PCDH9: variants seen among roughly 807,000 people sequenced by gnomAD.
PCDH9 encodes protocadherin-9.
Under a neutral mutation model 70.6 loss-of-function variants are expected in PCDH9, and 24 were observed. The observed-to-expected ratio is 0.34, with a 90% CI of 0.25 to 0.48. The LOEUF is 0.48. Among genes scored for constraint, PCDH9 ranks in the 20% least tolerant of loss-of-function variants. The pLI, the probability that PCDH9 is intolerant of heterozygous loss-of-function variation, is 0.99. For missense variants in PCDH9, 1,281 were observed against 1,503.6 expected (o/e 0.85, Z 2.45); for synonymous variants, 562 against 558.5 (o/e 1.01, Z -0.09).
chr13:66,787,427 C>T (rs111942760), intron 3 of PCDH9, among the ~76,000 whole-genome samples: 1 of 151,870 alleles, frequency 6.6e-6, no homozygotes, highest in Admixed American at 6.6e-5. Flanking sequence ...ACCAGCCTGG[C>T]CAAGATAGTG....
chr13:66,510,686 G>T (rs1181068514), intron 4 of PCDH9, among the ~76,000 whole-genome samples: 2 of 152,244 alleles, frequency 1.3e-5, no homozygotes, highest in East Asian at 1.9e-4. Context: ...CAAAGGAAAT[G>T]AACTCACAAT....
rs532024752 is a variant in PCDH9 at position 66,429,710 on chromosome 13, A to G, written c.3341-124682T>C. On this transcript the variant is annotated intron_variant, in intron 4 of 4. Transcript: ENST00000377865. ...AACAATGCCCTGCAGCTAAAGAAGA[A>G]GAAGAAGAAAAAAATAACTTTTTCT... Among the ~76,000 whole-genome samples the G allele has an allele frequency of 6.6e-5, 10 of 152,032 alleles. No homozygotes were observed. In the East Asian group the frequency reaches 1.9e-3, roughly 29 times the overall value.
chr13:66,569,415 G>T (rs1200085293), intron 4 of PCDH9, among the ~76,000 whole-genome samples: 1 of 151,946 alleles, frequency 6.6e-6, no homozygotes, highest in Non-Finnish European at 1.5e-5. Flanking sequence ...CATAATGAAA[G>T]TTCTGTTATT....
chr13:66,472,179 T>C (rs1346069025), intron 4 of PCDH9, among the ~76,000 whole-genome samples: 1 of 131,438 alleles, frequency 7.6e-6, no homozygotes, highest in Non-Finnish European at 1.5e-5. Flanking sequence ...GCCACCCCAC[T>C]CCAGCCTGGG....
intron 3 of PCDH9, among the ~76,000 whole-genome samples, chr13:66,888,605 AC>A (rs2082046977): frequency 6.6e-6 from 1 of 152,076 alleles, no homozygotes; most frequent in Non-Finnish European, 1.5e-5. Context: ...CAGGTAAATC[AC>A]AGAAAAGTGA....
chr13:66,931,931 C>T (rs962304934), intron 2 of PCDH9, among the ~76,000 whole-genome samples: 3 of 151,934 alleles, frequency 2.0e-5, no homozygotes, highest in Non-Finnish European at 4.4e-5. Flanking sequence ...GAGTAAGGTA[C>T]TAGAGTGCAT....
At chr13:66,846,136 C>A (rs374664034) in intron 3 of PCDH9, among the ~76,000 whole-genome samples, 227 of 134,398 alleles carry the variant, frequency 1.7e-3, no homozygotes, top group Non-Finnish European at 1.9e-3. Flanking sequence ...AAAAAAAGAC[C>A]AAAAAAAAAA....
intron 2 of PCDH9, among the ~76,000 whole-genome samples, chr13:67,066,846 T>C (rs1357779001): frequency 6.6e-6 from 1 of 152,138 alleles, no homozygotes; most frequent in Non-Finnish European, 1.5e-5. Flanking sequence ...TCCAATTTGG[T>C]TGCAATTTGT....
chr13:66,906,329 T>C (rs1566282485), intron 2 of PCDH9, among the ~76,000 whole-genome samples: 1 of 152,180 alleles, frequency 6.6e-6, no homozygotes, highest in Admixed American at 6.5e-5. Flanking sequence ...TTGATAATAG[T>C]TCAAACATGA....
chr13:67,228,303 A>T lies in PCDH9; in HGVS notation c.138T>A (p.Asp46Glu). The change falls in exon 2 of 5, where the codon GAT becomes GAA. Residue 46 changes from aspartate (D) to glutamate (E), a missense_variant. Asp to Glu is a conservative substitution (Grantham distance 45). Transcript: ENST00000377865. ...CAGCATTGATGTGAGAAATGTTCAG[A>T]TCCTTTGGTATGTTTCCTATGGGCA... is the stretch of plus-strand genomic sequence containing the variant. ...ENVPIGNIPKDLNISHINAAT... is the reference protein window; with the variant it reads ...ENVPIGNIPKELNISHINAAT... 6.2e-7 allele frequency: 1 copy of T among 1,614,156 alleles called. No individual in the cohort carries two copies. Among genetic ancestry groups the T allele is most frequent in the African/African-American group, 1.3e-5 (1 of 75,032 alleles).
At chr13:67,108,883 T>C (rs2086600231) in intron 2 of PCDH9, among the ~76,000 whole-genome samples, 1 of 152,120 alleles carries the variant, frequency 6.6e-6, no homozygotes, top group Non-Finnish European at 1.5e-5. Context: ...TATGGGCCCA[T>C]AGAGCAAAAA....
chr13:67,074,175 A>G (rs1181986679), intron 2 of PCDH9, among the ~76,000 whole-genome samples: 21 of 152,152 alleles, frequency 1.4e-4, no homozygotes, highest in Admixed American at 1.3e-3. Flanking sequence ...CTCAAAATTC[A>G]TATGTTGAAA....
chr13:67,118,266 G>A (rs1464416789), intron 2 of PCDH9, among the ~76,000 whole-genome samples: 1 of 152,150 alleles, frequency 6.6e-6, no homozygotes, highest in African/African-American at 2.4e-5. Context: ...ACTAGCAGGA[G>A]TGGGATTCAA....
rs58589562 is a variant in PCDH9 at position 66,849,517 on chromosome 13, T to TAGAGAGAGAG, written c.3138+53977_3138+53986dup. Among the ~76,000 whole-genome samples, 179 of 63,550 alleles carry TAGAGAGAGAG rather than the reference T, an allele frequency of 2.8e-3. 4 individuals carry two copies. Among genetic ancestry groups the TAGAGAGAGAG allele is most frequent in the African/African-American group, 8.5e-3 (102 of 12,052 alleles). 41.7% of individuals were successfully genotyped at this position (63,550 alleles called of 152,430 possible). On this transcript the variant is annotated intron_variant, in intron 3 of 4. Coordinates refer to ENST00000377865, the MANE Select transcript of PCDH9 (RefSeq NM_203487.3). ...ATATATATATATATATATATATATA[T>TAGAGAGAGAG]AGAGAGAGAGAGAGAGAGAGAGAGA...
chr13:66,437,275 C>T (rs1015767904), intron 4 of PCDH9, among the ~76,000 whole-genome samples: 1 of 151,284 alleles, frequency 6.6e-6, no homozygotes, highest in Non-Finnish European at 1.5e-5. Flanking sequence ...GGCGTGGTGG[C>T]GGGCGCCTGT....
At chr13:66,831,440 A>G (rs992228967) in intron 3 of PCDH9, among the ~76,000 whole-genome samples, 1 of 152,172 alleles carries the variant, frequency 6.6e-6, no homozygotes, top group Non-Finnish European at 1.5e-5. Flanking sequence ...CCAGAGTGAT[A>G]GCAGCTGTGA....
chr13:66,550,388 C>A (rs1961432079), intron 4 of PCDH9, among the ~76,000 whole-genome samples: 1 of 151,936 alleles, frequency 6.6e-6, no homozygotes, highest in South Asian at 2.1e-4. Flanking sequence ...TCTGGTTTTT[C>A]CCTAATATCT....
At chr13:67,116,276 T>C (rs2086771493) in intron 2 of PCDH9, among the ~76,000 whole-genome samples, 1 of 152,108 alleles carries the variant, frequency 6.6e-6, no homozygotes, top group Admixed American at 6.5e-5. Context: ...AGTGAAAGCA[T>C]TATATTATCT....
chr13:66,612,543 G>C (rs1681250548), intron 4 of PCDH9, among the ~76,000 whole-genome samples: 2 of 152,012 alleles, frequency 1.3e-5, no homozygotes, highest in African/African-American at 4.8e-5. Context: ...TCAGAGTAAT[G>C]ACGAATAATA....
Sources: gnomAD v4.1 joint callset for allele counts (sites outside exome capture counted in the v4.1 genomes callset) on GRCh38, gnomAD v4.1.1 for gene constraint, MANE v1.5 for transcripts, NCBI Gene and HGNC (gene_info 2026-07-23, HGNC 2026-07-21) for gene names.